The following ANKRD30BL variants were observed in gnomAD, a reference collection of about 807,000 sequenced individuals.
ANKRD30BL encodes the protein ankyrin repeat domain 30B like.
ANKRD30BL carries 20 observed loss-of-function variants against 18.4 expected under a neutral mutation model. The observed-to-expected ratio is 1.09, with a 90% CI of 0.77 to 1.58. The LOEUF is 1.58. Ranked by LOEUF, ANKRD30BL falls within the 40% of genes most tolerant of loss-of-function variation. The probability of loss-of-function intolerance (pLI) is 0.00; values close to 1 mark genes in which losing one functional copy is unlikely to be tolerated. For missense variants in ANKRD30BL, 224 were observed against 268.6 expected (o/e 0.83, Z 1.16); for synonymous variants, 72 against 100.9 (o/e 0.71, Z 1.72).
intron 5 of ANKRD30BL, among the ~76,000 whole-genome samples, chr2:132,148,578 C>A (rs1029971479): frequency 6.6e-6 from 1 of 151,838 alleles, no homozygotes; most frequent in South Asian, 2.1e-4. Flanking sequence ...CCATGTTAGT[C>A]AGGGTGGTCC....
chr2:132,205,640 A>C (rs1679198808), intron 1 of ANKRD30BL, among the ~76,000 whole-genome samples: 1 of 151,700 alleles, frequency 6.6e-6, no homozygotes, highest in Non-Finnish European at 1.5e-5. Flanking sequence ...AAAAAAAAGA[A>C]AGAAAAAAAT....
intron 1 of ANKRD30BL, among the ~76,000 whole-genome samples, chr2:132,230,215 T>C (rs902863069): frequency 2.0e-5 from 3 of 152,110 alleles, no homozygotes; most frequent in African/African-American, 4.8e-5. Flanking sequence ...ATATACGTTT[T>C]CATAGAGCAG....
chr2:132,203,501 T>A (rs1025484349), intron 1 of ANKRD30BL, among the ~76,000 whole-genome samples: 1 of 152,036 alleles, frequency 6.6e-6, no homozygotes, highest in Non-Finnish European at 1.5e-5. Context: ...AAGAAAAAAA[T>A]TTTACAACAA....
At chr2:132,154,827 G>C (rs1273911713) in intron 3 of ANKRD30BL, 59 bp from the exon 4 acceptor site, 1 of 637,202 alleles carries the variant, frequency 1.6e-6, no homozygotes, top group Non-Finnish European at 2.9e-6. Context: ...CAGCTGAATT[G>C]AATACCTTAT....
chr2:132,207,321 C>A (rs1239314983), intron 1 of ANKRD30BL, among the ~76,000 whole-genome samples: 4 of 152,008 alleles, frequency 2.6e-5, no homozygotes, highest in Admixed American at 6.6e-5. Context: ...TCCTAATTGG[C>A]ATTTACCTGA....
chr2:132,222,632 A>G (rs1679721601), intron 1 of ANKRD30BL, among the ~76,000 whole-genome samples: 1 of 151,956 alleles, frequency 6.6e-6, no homozygotes, highest in Non-Finnish European at 1.5e-5. Context: ...AGATGCTTGA[A>G]GGCAGCATGC....
In ANKRD30BL at chr2:132,198,049, T is replaced by C. The variant is rs575862723; in HGVS notation, n.442-40903A>G. ...TTGATAAACTTATTTCTGATTCTCATTTCTCTAGTTTATATATCTACAATC... is the reference window on the plus strand; with the variant it reads ...TTGATAAACTTATTTCTGATTCTCACTTCTCTAGTTTATATATCTACAATC... On this transcript the variant is annotated intron_variant and non_coding_transcript_variant, in intron 1 of 4. Coordinates refer to the ANKRD30BL transcript ENST00000470729. Among the ~76,000 whole-genome samples the C allele has an allele frequency of 7.6e-4, 116 of 152,142 alleles. 1 individual carries two copies. Among genetic ancestry groups the C allele is most frequent in the Admixed American group, 2.4e-3 (36 of 15,292 alleles).
chr2:132,161,781 C>A lies in ANKRD30BL; in HGVS notation c.-76G>T. The stretch of plus-strand genomic sequence containing the variant: ...CCCCAGTCCCCGCCGCTCGCCCTCG[C>A]CCTTCTTCAGTCCCTGCATCCGCCC... On this transcript the variant is annotated 5_prime_UTR_variant, in exon 1 of 6. Transcript: ENST00000409867. The A allele has an allele frequency of 1.4e-6, 1 of 719,198 alleles. No individual in the cohort carries two copies. The highest frequency in any genetic ancestry group is 2.4e-6 in the Non-Finnish European group (1 of 414,920). 44.6% of individuals were successfully genotyped at this position (719,198 alleles called of 1,614,324 possible). A position where few individuals can be genotyped will look rare whatever the true frequency, so the allele number is the denominator to read the frequency against.
intron 1 of ANKRD30BL, among the ~76,000 whole-genome samples, chr2:132,180,222 T>C (rs1688438403): frequency 7.5e-5 from 2 of 26,806 alleles, no homozygotes; most frequent in East Asian, 9.8e-4. Context: ...AGTGTACCCT[T>C]TTTTTTTTTT....
intron 1 of ANKRD30BL, among the ~76,000 whole-genome samples, chr2:132,168,485 G>A (rs1007331744): frequency 6.6e-6 from 1 of 152,148 alleles, no homozygotes; most frequent in Non-Finnish European, 1.5e-5. Flanking sequence ...ATAATGCTAA[G>A]TAAAATAAGC....
chr2:132,243,685 A>G (rs1680398205), intron 1 of ANKRD30BL, among the ~76,000 whole-genome samples: 1 of 151,732 alleles, frequency 6.6e-6, no homozygotes, highest in Non-Finnish European at 1.5e-5. Flanking sequence ...TAGAATGTGC[A>G]AGTGGATATT....
rs1412316381 is a variant in ANKRD30BL, at chr2:132,147,641, G to C, written c.*490C>G. On this transcript the variant is annotated 3_prime_UTR_variant, in exon 6 of 6. Transcript: ENST00000409867. ...CTATGGAAGAGTGGTCTTGCAGATGGAGCAATGGCAAGATCACACCGGACA... is the reference window on the plus strand; with the variant it reads ...CTATGGAAGAGTGGTCTTGCAGATGCAGCAATGGCAAGATCACACCGGACA... 1.3e-5 allele frequency: 2 copies of C among 152,876 alleles called. No individual in the cohort carries two copies. Among genetic ancestry groups the C allele is most frequent in the African/African-American group, 4.8e-5 (2 of 41,412 alleles). The allele number at this position is 152,876 out of a possible 1,614,324, so 9.5% of individuals were successfully genotyped here.
chr2:132,248,328 C>T (rs142342641), intron 1 of ANKRD30BL, among the ~76,000 whole-genome samples: 3 of 151,924 alleles, frequency 2.0e-5, no homozygotes, highest in African/African-American at 7.3e-5. Flanking sequence ...GCAGATTCTA[C>T]AAAAAGAGAG....
chr2:132,172,669 T>G (rs1195482676), intron 1 of ANKRD30BL, among the ~76,000 whole-genome samples: 1 of 152,088 alleles, frequency 6.6e-6, no homozygotes, highest in Non-Finnish European at 1.5e-5. Context: ...TTTGCAGACA[T>G]CTCCCATTCT....
At chr2:132,202,842 G>A (rs1376094602) in intron 1 of ANKRD30BL, among the ~76,000 whole-genome samples, 2 of 152,132 alleles carry the variant, frequency 1.3e-5, no homozygotes, top group Non-Finnish European at 2.9e-5. Flanking sequence ...AGACGACATC[G>A]GAATGCAACT....
intron 1 of ANKRD30BL, among the ~76,000 whole-genome samples, chr2:132,206,534 T>C (rs551664775): frequency 1.3e-5 from 2 of 152,298 alleles, no homozygotes; most frequent in East Asian, 1.9e-4. Flanking sequence ...ATGAGAATTA[T>C]AATAGTAAAC....
intron 1 of ANKRD30BL, among the ~76,000 whole-genome samples, chr2:132,192,357 G>A (rs1490644386): frequency 6.6e-6 from 1 of 152,182 alleles, no homozygotes; most frequent in Non-Finnish European, 1.5e-5. Flanking sequence ...GGTGGTCGCA[G>A]TGTGGCACAC....
At chr2:132,163,899 C>A, upstream of ANKRD30BL, among the ~76,000 whole-genome samples, 1 of 152,214 alleles carries the variant, frequency 6.6e-6, no homozygotes, top group East Asian at 1.9e-4. Context: ...TCTTAGTTTA[C>A]AGAGCAAAGA....
At chr2:132,170,863 A>T (rs973836800) in intron 1 of ANKRD30BL, among the ~76,000 whole-genome samples, 7 of 152,326 alleles carry the variant, frequency 4.6e-5, no homozygotes, top group African/African-American at 1.7e-4. Context: ...TTTGATTAAG[A>T]ATAACACTTG....
Sources: gnomAD v4.1 joint callset for allele counts (sites outside exome capture counted in the v4.1 genomes callset) on GRCh38, gnomAD v4.1.1 for gene constraint, MANE v1.5 for transcripts, NCBI Gene and HGNC (gene_info 2026-07-23, HGNC 2026-07-21) for gene names.